The following CCDC7 variants were observed in gnomAD, a reference collection of about 807,000 sequenced individuals.
CCDC7 encodes coiled-coil domain-containing protein 7.
Under a neutral mutation model 196.9 loss-of-function variants are expected in CCDC7, and 183 were observed. The ratio of observed to expected loss-of-function variants is 0.93; its 90% CI spans 0.82 to 1.05. The LOEUF is 1.05. CCDC7 is among the 50% of genes least tolerant of loss of function. The pLI, the probability that CCDC7 is intolerant of heterozygous loss-of-function variation, is 0.00. For synonymous variants in CCDC7, 525 were observed against 484.6 expected (o/e 1.08, Z -1.10); for missense variants, 1,540 against 1,482.2 (o/e 1.04, Z -0.64).
intron 11 of CCDC7, among the ~76,000 whole-genome samples, chr10:32,540,413 TC>T (rs900196628): frequency 2.0e-5 from 3 of 152,234 alleles, no homozygotes; most frequent in Non-Finnish European, 4.4e-5. Context: ...CCTATGATTG[TC>T]ATTGCCTGTG....
At chr10:32,828,485 G>GGAA (rs68150303) in intron 32 of CCDC7, among the ~76,000 whole-genome samples, 1,503 of 49,378 alleles carry the variant, frequency 0.03, 98 homozygotes, top group East Asian at 0.043. Context: ...AAGAGGAAGA[G>GGAA]GAAGAAGAAG....
chr10:32,845,596 T>G, exon 35 of CCDC7: 1 of 1,612,372 alleles, frequency 6.2e-7, no homozygotes, highest in Non-Finnish European at 8.5e-7. Context: ...AATGAAGGAG[T>G]CAACCACGAC....
At position 32,749,854 on chromosome 10, in the gene CCDC7, A is replaced by G. The variant is rs192535584; in HGVS notation, c.2905+20397A>G. ...TTTTAACAAATAAGCATGAAGCAAA[A>G]CTAGGATAACCACCACTTAGGTCAA... On this transcript the variant is annotated intron_variant, in intron 28 of 41. Transcript: ENST00000639629. Among the ~76,000 whole-genome samples, 41 of 152,296 alleles carry G rather than the reference A, an allele frequency of 2.7e-4. 1 individual carries two copies. Among genetic ancestry groups the G allele is most frequent in the Admixed American group, 1.6e-3 (24 of 15,296 alleles).
At chr10:32,704,511 G>A (rs867262718) in intron 24 of CCDC7, among the ~76,000 whole-genome samples, 24 of 152,188 alleles carry the variant, frequency 1.6e-4, no homozygotes, top group Middle Eastern at 3.4e-3. Flanking sequence ...CTCCATGCTG[G>A]GAGAACCACT....
intron 17 of CCDC7, among the ~76,000 whole-genome samples, chr10:32,583,762 CA>C (rs1271113495): frequency 2.6e-5 from 4 of 151,754 alleles, no homozygotes; most frequent in Non-Finnish European, 4.4e-5. Flanking sequence ...ATTCTCAGGG[CA>C]AAAATGCTGG....
intron 13 of CCDC7, among the ~76,000 whole-genome samples, chr10:32,559,543 T>A (rs1273781752): frequency 6.6e-6 from 1 of 152,374 alleles, no homozygotes; most frequent in East Asian, 1.9e-4. Context: ...CAGCCACTGC[T>A]GCTGTTATCC....
intron 13 of CCDC7, among the ~76,000 whole-genome samples, chr10:32,561,067 C>G (rs2055496904): frequency 1.3e-5 from 2 of 151,542 alleles, no homozygotes; most frequent in Non-Finnish European, 2.9e-5. Flanking sequence ...TCAAAAGAGA[C>G]AAGGCCATTA....
chr10:32,508,024 G>T (rs2045483330), intron 9 of CCDC7, among the ~76,000 whole-genome samples: 1 of 152,158 alleles, frequency 6.6e-6, no homozygotes, highest in African/African-American at 2.4e-5. Context: ...AAATGCAGTA[G>T]CCAAGCAATT....
chr10:32,584,342 G>T, intron 18 of CCDC7, 38 bp downstream of exon 19: 2 of 1,266,720 alleles, frequency 1.6e-6, no homozygotes, highest in South Asian at 2.7e-5. Context: ...AAATGTGATT[G>T]AATGATTATG....
chr10:32,479,979 C>CT (rs1216595611), intron 8 of CCDC7, among the ~76,000 whole-genome samples: 2 of 151,422 alleles, frequency 1.3e-5, no homozygotes, highest in African/African-American at 2.4e-5. Flanking sequence ...TTTAGGGTAT[C>CT]TAATTTGTGG....
chr10:32,789,047 A>C (rs1039142498), intron 29 of CCDC7, among the ~76,000 whole-genome samples: 3 of 151,486 alleles, frequency 2.0e-5, no homozygotes, highest in African/African-American at 7.3e-5. Flanking sequence ...CTCATGAACT[A>C]AGCCAGATGA....
chr10:32,687,265 G>A (rs556202704), intron 22 of CCDC7, among the ~76,000 whole-genome samples: 26 of 152,292 alleles, frequency 1.7e-4, no homozygotes, highest in Non-Finnish European at 2.8e-4. Context: ...AGCAATAAGG[G>A]CAGTGATTTC....
rs1212357972 is a variant in CCDC7 at position 32,595,815 on chromosome 10, A to C, written c.1801+11511A>C. Among the ~76,000 whole-genome samples, 4 of 152,360 alleles carry C rather than the reference A, an allele frequency of 2.6e-5. No homozygotes were observed. In the East Asian group the frequency reaches 5.8e-4, roughly 22 times the overall value. ...TTTGTTATGTACCTAGTAGTCATTC[A>C]GAAGCAGGTTGTTCAGTTTCCGTGT... On this transcript the variant is annotated intron_variant, in intron 18 of 41. Transcript: ENST00000639629.
chr10:32,559,001 C>A (rs868838030), intron 13 of CCDC7, among the ~76,000 whole-genome samples: 2 of 152,236 alleles, frequency 1.3e-5, no homozygotes, highest in South Asian at 4.1e-4. Flanking sequence ...AAAAACAGCG[C>A]ACCAGGAGAT....
intron 28 of CCDC7, among the ~76,000 whole-genome samples, chr10:32,739,932 A>C (rs952888589): frequency 6.6e-6 from 1 of 151,980 alleles, no homozygotes; most frequent in African/African-American, 2.4e-5. Flanking sequence ...TTTAGCTGTA[A>C]TCTGCTATTA....
At chr10:32,674,899 G>C (rs1188417185) in intron 21 of CCDC7, among the ~76,000 whole-genome samples, 1 of 151,602 alleles carries the variant, frequency 6.6e-6, no homozygotes, top group Non-Finnish European at 1.5e-5. Flanking sequence ...AGCCACTTCT[G>C]CTCTCTTTTT....
At chr10:32,445,107 G>C (rs2490500), upstream of CCDC7, among the ~76,000 whole-genome samples, 146,742 of 152,278 alleles carry the variant, frequency 0.96, 70,927 homozygotes, top group East Asian at 1. Context: ...ACTGCCTCAG[G>C]CTCCCAAAGT....
intron 24 of CCDC7, among the ~76,000 whole-genome samples, chr10:32,711,202 C>CTG (rs772169153): frequency 8.0e-5 from 12 of 150,192 alleles, no homozygotes; most frequent in African/African-American, 1.7e-4. Flanking sequence ...ATACATATAA[C>CTG]TGTGTGTGTG....
chr10:32,816,365 C>T (rs966562689), intron 31 of CCDC7, among the ~76,000 whole-genome samples: 14 of 152,204 alleles, frequency 9.2e-5, no homozygotes, highest in African/African-American at 3.4e-4. Flanking sequence ...GAGCCCACCG[C>T]AGCTCAAGGA....
Sources: gnomAD v4.1 joint callset for allele counts (sites outside exome capture counted in the v4.1 genomes callset) on GRCh38, gnomAD v4.1.1 for gene constraint, MANE v1.5 for transcripts, NCBI Gene and HGNC (gene_info 2026-07-23, HGNC 2026-07-21) for gene names.